SERGEF: variants seen among roughly 807,000 people sequenced by gnomAD.
The protein encoded by SERGEF is secretion-regulating guanine nucleotide exchange factor.
Under a neutral mutation model 50.0 loss-of-function variants are expected in SERGEF, and 51 were observed. The ratio of observed to expected loss-of-function variants is 1.02; its 90% CI spans 0.81 to 1.29. SERGEF has a LOEUF of 1.29. Ranked by LOEUF, SERGEF falls within the 50% of genes most tolerant of loss-of-function variation. The pLI is 0.00. For missense variants in SERGEF, 521 were observed against 557.0 expected (o/e 0.94, Z 0.65); for synonymous variants, 205 against 212.4 (o/e 0.97, Z 0.30).
intron 9 of SERGEF, among the ~76,000 whole-genome samples, chr11:17,886,340 T>G (rs941091543): frequency 6.6e-6 from 1 of 152,190 alleles, no homozygotes; most frequent in African/African-American, 2.4e-5. Context: ...CTGGACACGG[T>G]GGCACACATC....
At chr11:18,012,716 C>T (rs1854222605) in intron 1 of SERGEF, 3 of 1,283,522 alleles carry the variant, frequency 2.3e-6, no homozygotes, top group Non-Finnish European at 3.1e-6. Context: ...GCCACAGCCC[C>T]TCCGGCCCTG....
At chr11:17,802,505 G>A (rs922845000) in intron 10 of SERGEF, among the ~76,000 whole-genome samples, 1 of 152,170 alleles carries the variant, frequency 6.6e-6, no homozygotes, top group African/African-American at 2.4e-5. Context: ...TGGCATTCTA[G>A]CTCAGAAGAA....
intron 8 of SERGEF, among the ~76,000 whole-genome samples, chr11:17,985,268 G>T (rs965308402): frequency 4.6e-5 from 7 of 152,130 alleles, no homozygotes; most frequent in African/African-American, 1.7e-4. Flanking sequence ...TACAATAGTT[G>T]GGATCTTTCA....
At chr11:17,994,257 G>A (rs1415935337) in intron 6 of SERGEF, among the ~76,000 whole-genome samples, 1 of 152,070 alleles carries the variant, frequency 6.6e-6, no homozygotes, top group Non-Finnish European at 1.5e-5. Flanking sequence ...GGTGGATGAC[G>A]AGGTCAGGAG....
At chr11:17,836,329 A>G (rs1287225678) in intron 10 of SERGEF, among the ~76,000 whole-genome samples, 2 of 152,216 alleles carry the variant, frequency 1.3e-5, no homozygotes, top group Non-Finnish European at 2.9e-5. Context: ...CTGGATCACT[A>G]CAGGTATATG....
At chr11:17,864,733 G>C (rs567306023) in intron 10 of SERGEF, among the ~76,000 whole-genome samples, 10 of 152,280 alleles carry the variant, frequency 6.6e-5, no homozygotes, top group Non-Finnish European at 1.2e-4. Context: ...CTGTCTCCCT[G>C]TCTGGCAAAC....
At chr11:17,957,676 T>C (rs539018548) in intron 9 of SERGEF, among the ~76,000 whole-genome samples, 2 of 151,852 alleles carry the variant, frequency 1.3e-5, no homozygotes, top group South Asian at 4.2e-4. Context: ...TTTGCCCTTG[T>C]CATTGCATCC....
At chr11:17,868,762 G>A (rs1455463741) in intron 10 of SERGEF, among the ~76,000 whole-genome samples, 1 of 152,192 alleles carries the variant, frequency 6.6e-6, no homozygotes, top group Admixed American at 6.5e-5. Flanking sequence ...AAAGCAAGGA[G>A]GAGAAAGTCA....
rs202060769 is a variant in SERGEF, at chr11:17,792,939, C to G, written c.1049-4526G>C. 1.7e-4 allele frequency among the ~76,000 whole-genome samples: 26 copies of G among 152,320 alleles called. No homozygotes were observed. In the East Asian group the frequency reaches 5.0e-3, roughly 29 times the overall value. ...CATTCTTAGCTTGCAGCATCACACACAAAGAGGCTACAAGTCAAATTTGGT... is the reference window on the plus strand; with the variant it reads ...CATTCTTAGCTTGCAGCATCACACAGAAAGAGGCTACAAGTCAAATTTGGT... On this transcript the variant is annotated intron_variant, in intron 10 of 10. Coordinates refer to ENST00000265965, the MANE Select transcript of SERGEF (RefSeq NM_012139.4).
intron 5 of SERGEF, among the ~76,000 whole-genome samples, chr11:17,998,370 A>C (rs1853879986): frequency 6.7e-6 from 1 of 149,650 alleles, no homozygotes; most frequent in Non-Finnish European, 1.5e-5. Flanking sequence ...TGAACCATGA[A>C]CACACCACTG....
chr11:17,971,591 G>A (rs1326058638), intron 8 of SERGEF, among the ~76,000 whole-genome samples: 1 of 152,198 alleles, frequency 6.6e-6, no homozygotes, highest in Non-Finnish European at 1.5e-5. Flanking sequence ...TCAGAAAGGA[G>A]TCTTTTCAAA....
At chr11:18,012,816 GCCCAGGATCCTTCAA>G in intron 1 of SERGEF, 120 bp downstream of exon 1, 1 of 1,175,632 alleles carries the variant, frequency 8.5e-7, no homozygotes, top group Admixed American at 2.3e-5. Flanking sequence ...TCCGCTCCCA[GCCCAGGATCCTTCAA>G]CCCAGAGCCC....
intron 9 of SERGEF, among the ~76,000 whole-genome samples, chr11:17,957,074 G>C (rs1045931149): frequency 6.6e-6 from 1 of 152,208 alleles, no homozygotes; most frequent in Non-Finnish European, 1.5e-5. Flanking sequence ...AATGAGATCA[G>C]AGCGTCTACA....
At chr11:17,906,162 G>A (rs935611032) in intron 9 of SERGEF, among the ~76,000 whole-genome samples, 2 of 152,200 alleles carry the variant, frequency 1.3e-5, no homozygotes, top group Middle Eastern at 3.2e-3. Flanking sequence ...ATGCTACATA[G>A]TTGGAGCAGG....
At chr11:17,879,367 C>T (rs1851299115) in intron 9 of SERGEF, among the ~76,000 whole-genome samples, 1 of 152,158 alleles carries the variant, frequency 6.6e-6, no homozygotes, top group Non-Finnish European at 1.5e-5. Context: ...CTCACTTTAG[C>T]TCCTGGCAAG....
chr11:17,873,576 T>C (rs774729210), intron 10 of SERGEF, among the ~76,000 whole-genome samples: 4 of 152,100 alleles, frequency 2.6e-5, no homozygotes, highest in Non-Finnish European at 5.9e-5. Context: ...GTACAATGGT[T>C]CAACAGTTGA....
chr11:17,823,853 C>T (rs1028447380), intron 10 of SERGEF, among the ~76,000 whole-genome samples: 1 of 152,184 alleles, frequency 6.6e-6, no homozygotes, highest in Non-Finnish European at 1.5e-5. Flanking sequence ...CCTCTTCTTT[C>T]CTGGTAACAG....
At chr11:17,923,991 C>T (rs966019376) in intron 9 of SERGEF, among the ~76,000 whole-genome samples, 5 of 152,218 alleles carry the variant, frequency 3.3e-5, no homozygotes, top group Admixed American at 2.6e-4. Context: ...GTCATTTAAA[C>T]TCTCTAAGCC....
intron 8 of SERGEF, among the ~76,000 whole-genome samples, chr11:17,965,311 C>A (rs1274808866): frequency 1.3e-5 from 2 of 152,178 alleles, no homozygotes; most frequent in Non-Finnish European, 2.9e-5. Context: ...TTTCCTGAGG[C>A]CTCCCCAGCC....
Sources: gnomAD v4.1 joint callset for allele counts (sites outside exome capture counted in the v4.1 genomes callset) on GRCh38, gnomAD v4.1.1 for gene constraint, MANE v1.5 for transcripts, NCBI Gene and HGNC (gene_info 2026-07-23, HGNC 2026-07-21) for gene names.